ZFTA: variants seen among roughly 807,000 people sequenced by gnomAD.
ZFTA encodes the protein zinc finger translocation-associated protein.
A neutral mutation model predicts 41.8 loss-of-function variants in ZFTA; 35 were observed. That is an observed-to-expected ratio of 0.84 (90% CI 0.64 to 1.11). ZFTA has a LOEUF of 1.11. Among genes scored for constraint, ZFTA ranks in the 50% most tolerant of loss-of-function variants. The pLI is 0.00. For missense variants in ZFTA, 964 were observed against 989.8 expected, an observed-to-expected ratio of 0.97 and a Z score of 0.35; for synonymous variants, 514 against 436.4, an observed-to-expected ratio of 1.18 and a Z score of -2.22.
chr11:63,765,372 T>A lies in ZFTA; in HGVS notation c.638-118A>T. On this transcript the variant is annotated intron_variant, in intron 2 of 4. Coordinates refer to ENST00000433688, the MANE Select transcript of ZFTA (RefSeq NM_001144936.2). This position sits in a 1 kb window ranked among gnomAD's most constrained non-coding sequence, Gnocchi z 4.0. ...GCCCCAGGCCTAACCTTTGCCCTTC[T>A]CTTCCTCTCTCCTGAAATCCTAACT... 1 of 1,153,480 alleles carries A rather than the reference T, an allele frequency of 8.7e-7. No individual in the cohort carries two copies. The highest frequency in any genetic ancestry group is 1.2e-6 in the Non-Finnish European group (1 of 863,856). 71.5% of individuals were successfully genotyped at this position (1,153,480 alleles called of 1,614,324 possible).
chr11:63,764,730 A>AG, intron 3 of ZFTA, 132 bp from the exon 4 acceptor site: 2 of 1,346,554 alleles, frequency 1.5e-6, no homozygotes, highest in East Asian at 2.9e-5. Context: ...GTCTGGGGGC[A>AG]GGGGGAAAGT....
In ZFTA at chr11:63,765,616, A is replaced by T. The variant is rs899470103; in HGVS notation, c.637+191T>A. ...AAAACCACAGAATGTACAAGCTGTC[A>T]TGGACATCGGAGACCCTCTCACCCC... On this transcript the variant is annotated intron_variant, in intron 2 of 4. Transcript: ENST00000433688. This position sits in a 1 kb window ranked among gnomAD's most constrained non-coding sequence, Gnocchi z 4.0. Among the ~76,000 whole-genome samples, 1 of 152,122 alleles carries T rather than the reference A, an allele frequency of 6.6e-6. No individual in the cohort carries two copies. The highest frequency in any genetic ancestry group is 2.4e-5 in the African/African-American group (1 of 41,422).
chr11:63,763,375 C>T lies in ZFTA; in HGVS notation c.*43G>A. The T allele has an allele frequency of 8.3e-7, 1 of 1,204,632 alleles. No homozygotes were observed. Among genetic ancestry groups the T allele is most frequent in the South Asian group, 2.6e-5 (1 of 38,116 alleles). 74.6% of individuals were successfully genotyped at this position (1,204,632 alleles called of 1,614,324 possible). A position where few individuals can be genotyped will look rare whatever the true frequency, so the allele number is the denominator to read the frequency against. On this transcript the variant is annotated 3_prime_UTR_variant, in exon 5 of 5. Transcript: ENST00000433688. ...GGGCGAGCACAGGGCGGGGCGGGGCCGATCCGACCCGACCCGACCTGACCC... is the reference window on the plus strand; with the variant it reads ...GGGCGAGCACAGGGCGGGGCGGGGCTGATCCGACCCGACCCGACCTGACCC...
chr11:63,764,001 G>A, intron 4 of ZFTA, 37 bp downstream of exon 4: 1 of 1,299,026 alleles, frequency 7.7e-7, no homozygotes, highest in Non-Finnish European at 1.0e-6. Flanking sequence ...CAACTGCCCG[G>A]CTCTCCCTCT....
rs1271717344 is a variant in ZFTA at position 63,764,110 on chromosome 11, C to T, written c.1513G>A (p.Gly505Ser). The T allele has an allele frequency of 7.6e-7, 1 of 1,312,636 alleles. No homozygotes were observed. Among genetic ancestry groups the T allele is most frequent in the East Asian group, 3.3e-5 (1 of 29,984 alleles). The allele number at this position is 1,312,636 out of a possible 1,614,324, so 81.3% of individuals were successfully genotyped here. A position where few individuals can be genotyped will look rare whatever the true frequency, so the allele number is the denominator to read the frequency against. Residue 505 changes from glycine to serine, a missense_variant, in exon 4 of 5, where the codon GGC becomes AGC. Gly to Ser is a moderately conservative substitution (Grantham distance 56). Transcript: ENST00000433688. Reference protein sequence around the residue: ...PESPQGPIPPGTAAASDEGGG... With the variant: ...PESPQGPIPPSTAAASDEGGG... ...CCCTCGTCGGAGGCTGCGGCAGTGC[C>T]GGGGGGGATGGGGCCCTGGGGGGAC...
In ZFTA at chr11:63,763,745, G is replaced by GGGCGGAGGCGGGGGAGGA. The variant is rs1554965286; in HGVS notation, c.1692_1709dup (p.Pro567_Pro572dup). Reference sequence around the variant, plus strand: ...GCCGCTGCTCCCGGCTGCGGGGCGGGGGCGGAGGCGGGGGAGGAGGCGGCG... The same window carrying GGGCGGAGGCGGGGGAGGA: ...GCCGCTGCTCCCGGCTGCGGGGCGGGGGCGGAGGCGGGGGAGGAGGCGGAGGCGGGGGAGGAGGCGGCG... On this transcript the variant is annotated inframe_insertion, in exon 5 of 5. Coordinates refer to ENST00000433688, the MANE Select transcript of ZFTA (RefSeq NM_001144936.2). 6.1e-5 allele frequency: 90 copies of GGGCGGAGGCGGGGGAGGA among 1,487,234 alleles called. No individual in the cohort carries two copies. The highest frequency in any genetic ancestry group is 3.2e-4 in the Admixed American group (14 of 43,312). The allele number at this position is 1,487,234 out of a possible 1,614,324, so 92.1% of individuals were successfully genotyped here.
rs1018275784 is a variant in ZFTA, at chr11:63,763,814, C to G, written c.1641G>C (p.Glu547Asp). The change falls in exon 5 of 5, where the codon GAG (glutamate) becomes GAC (aspartate). Residue 547 changes from glutamate to aspartate, a missense_variant. Coordinates refer to ENST00000433688, the MANE Select transcript of ZFTA (RefSeq NM_001144936.2). ...APLERPAEEEEDEEDGQEPGG... is the reference protein window; with the variant it reads ...APLERPAEEEDDEEDGQEPGG... ...CAGGCTCCTGGCCGTCCTCTTCGTC[C>G]TCCTCTTCTTCGGCGGGCCGCTCCA... The G allele has an allele frequency of 1.3e-5, 19 of 1,446,414 alleles. No individual in the cohort carries two copies. The highest frequency in any genetic ancestry group is 8.9e-5 in the African/African-American group (6 of 67,482). The allele number at this position is 1,446,414 out of a possible 1,614,324, so 89.6% of individuals were successfully genotyped here. A position where few individuals can be genotyped will look rare whatever the true frequency, so the allele number is the denominator to read the frequency against.
rs1021212037 is a variant in ZFTA, at chr11:63,763,947, C to T, written c.1586-78G>A. The T allele has an allele frequency of 5.2e-6, 7 of 1,357,202 alleles. No homozygotes were observed. In the African/African-American group the frequency reaches 7.7e-5, roughly 15 times the overall value. The allele number at this position is 1,357,202 out of a possible 1,614,324, so 84.1% of individuals were successfully genotyped here. On this transcript the variant is annotated intron_variant, in intron 4 of 4. Coordinates refer to ENST00000433688, the MANE Select transcript of ZFTA (RefSeq NM_001144936.2). ...CCCCGCGTCTCATCTCCAGTCACCC[C>T]ATCTTTGCCCTTCTATCCCATCCTC... is the stretch of plus-strand genomic sequence containing the variant.
At chr11:63,766,536 T>A (rs2014749371) in intron 1 of ZFTA, among the ~76,000 whole-genome samples, 3 of 152,246 alleles carry the variant, frequency 2.0e-5, no homozygotes, top group South Asian at 4.1e-4. Context: ...CGCAGGGCAC[T>A]GTGGAAATAG....
At chr11:63,767,617 A>G (rs2014766229) in intron 1 of ZFTA, 1 of 152,288 alleles carries the variant, frequency 6.6e-6, no homozygotes. Context: ...TTTAAAAACA[A>G]AAGGGGATGG....
chr11:63,765,823 G>A lies in ZFTA; in HGVS notation c.621C>T (p.Cys207=), dbSNP rs2014734751. ...TTGCATTACCTGGGCCCTTGGGCGG[G>A]CAAGCTGGGACACCGGCCCCCTCCT... ...EEEEGAGVPA[C]PPKGPGKAPA... is the part of the protein sequence containing the mutation. The change falls in exon 2 of 5, where the codon TGC becomes TGT. Residue 207 remains cysteine, a synonymous_variant. Coordinates refer to ENST00000433688, the MANE Select transcript of ZFTA (RefSeq NM_001144936.2). This position sits in a 1 kb window ranked among gnomAD's most constrained non-coding sequence, Gnocchi z 4.0. 4.0e-6 allele frequency: 6 copies of A among 1,484,514 alleles called. No homozygotes were observed. The South Asian group carries it at 5.5e-5, about 14-fold the overall frequency. 92.0% of individuals were successfully genotyped at this position (1,484,514 alleles called of 1,614,324 possible). A position where few individuals can be genotyped will look rare whatever the true frequency, so the allele number is the denominator to read the frequency against.
Position 63,761,403 on chromosome 11 carries a change from C to G in ZFTA, c.*2015G>C, listed in dbSNP as rs1233090946. On this transcript the variant is annotated 3_prime_UTR_variant, in exon 5 of 5. Transcript: ENST00000433688. ...ATGGCGCCTTCCAGCTGAGGCCCTG[C>G]AGAGCTCAGTGTGCTCATCCCAAGG... 1 of 152,308 alleles carries G rather than the reference C, an allele frequency of 6.6e-6. No individual in the cohort carries two copies. Among genetic ancestry groups the G allele is most frequent in the Non-Finnish European group, 1.5e-5 (1 of 68,100 alleles). 9.4% of individuals were successfully genotyped at this position (152,308 alleles called of 1,614,324 possible). A position where few individuals can be genotyped will look rare whatever the true frequency, so the allele number is the denominator to read the frequency against.
In ZFTA at chr11:63,765,847, C is replaced by A; in HGVS notation, c.597G>T (p.Glu199Asp). Residue 199 changes from glutamate to aspartate, a missense_variant, in exon 2 of 5, where the codon GAG becomes GAT. Physicochemically the swap from Glu to Asp is conservative, Grantham distance 45. This residue lies in a region of ZFTA where 141 missense variants were observed against 216.7 expected (regional missense o/e 0.65). Transcript: ENST00000433688. This position sits in a 1 kb window ranked among gnomAD's most constrained non-coding sequence, Gnocchi z 4.0. ...EEEEEEEEEE[E>D]EGAGVPACPP... ...GGCAAGCTGGGACACCGGCCCCCTC[C>A]TCCTCCTCCTCTTCTTCCTCCTCCT... The A allele has an allele frequency of 6.7e-7, 1 of 1,503,408 alleles. No individual in the cohort carries two copies. The allele number at this position is 1,503,408 out of a possible 1,614,324, so 93.1% of individuals were successfully genotyped here.
chr11:63,766,757 C>T (rs753138576), intron 1 of ZFTA, among the ~76,000 whole-genome samples: 1 of 152,096 alleles, frequency 6.6e-6, no homozygotes, highest in Non-Finnish European at 1.5e-5. Flanking sequence ...CTGGGGCCCC[C>T]GCCAGGAGGG....
intron 1 of ZFTA, among the ~76,000 whole-genome samples, 174 bp downstream of exon 1, chr11:63,768,310 G>C (rs1204380036): frequency 6.7e-6 from 1 of 149,694 alleles, no homozygotes; most frequent in African/African-American, 2.4e-5. Flanking sequence ...CCGGGAGCTG[G>C]GCGGGGGGCT....
Position 63,764,896 on chromosome 11 carries a change from C to A in ZFTA, c.996G>T (p.Ala332=). The A allele has an allele frequency of 2.0e-6, 3 of 1,521,294 alleles. No individual in the cohort carries two copies. Among genetic ancestry groups the A allele is most frequent in the Non-Finnish European group, 2.6e-6 (3 of 1,136,152 alleles). The allele number at this position is 1,521,294 out of a possible 1,614,324, so 94.2% of individuals were successfully genotyped here. ...LLQAWGGQPE[A]LSELTQSPPG... ...GTGGGGACTGGGTGAGCTCAGACAGCGCCTCGGGCTGGCCCCCCCAGGCCT... is the reference window on the plus strand; with the variant it reads ...GTGGGGACTGGGTGAGCTCAGACAGAGCCTCGGGCTGGCCCCCCCAGGCCT... Residue 332 remains alanine (A), a synonymous_variant, in exon 3 of 5, where the codon GCG becomes GCT. Coordinates refer to ENST00000433688, the MANE Select transcript of ZFTA (RefSeq NM_001144936.2).
intron 1 of ZFTA, 53 bp downstream of exon 1, chr11:63,768,431 C>T: frequency 4.7e-6 from 5 of 1,053,460 alleles, no homozygotes; most frequent in Non-Finnish European, 5.8e-6. Flanking sequence ...AGCCGCAGCC[C>T]TCCCTTCCCC....
In ZFTA at chr11:63,759,998, T is replaced by G. The variant is rs1386493287; in HGVS notation, c.*3420A>C. 1.3e-5 allele frequency: 2 copies of G among 152,206 alleles called. No individual in the cohort carries two copies. Among genetic ancestry groups the G allele is most frequent in the Non-Finnish European group, 2.9e-5 (2 of 68,034 alleles). The allele number at this position is 152,206 out of a possible 1,614,324, so 9.4% of individuals were successfully genotyped here. On this transcript the variant is annotated 3_prime_UTR_variant, in exon 5 of 5. Coordinates refer to ENST00000433688, the MANE Select transcript of ZFTA (RefSeq NM_001144936.2). ...CTATCCTCACTCCACTTTGGGGACT[T>G]TAAAAAGTGACTAATAGTTGGTACT...
chr11:63,765,779 G>A lies in ZFTA; in HGVS notation c.637+28C>T. ...TGCCCCACTGGCCACCCAGGCCCCT[G>A]CCTGTACAGAATCTGCATTTGCATT... On this transcript the variant is annotated intron_variant, in intron 2 of 4. Transcript: ENST00000433688. The surrounding 1 kb of genome is among the most constrained non-coding windows in gnomAD (Gnocchi z 4.0). 1 of 1,448,058 alleles carries A rather than the reference G, an allele frequency of 6.9e-7. No individual in the cohort carries two copies. The highest frequency in any genetic ancestry group is 9.1e-7 in the Non-Finnish European group (1 of 1,102,148). The allele number at this position is 1,448,058 out of a possible 1,614,324, so 89.7% of individuals were successfully genotyped here.
Sources: gnomAD v4.1 joint callset for allele counts (sites outside exome capture counted in the v4.1 genomes callset) on GRCh38, gnomAD v4.1.1 for gene constraint, gnomAD v4.1.1 regional missense constraint, Gnocchi (gnomAD v3.1) non-coding constraint, MANE v1.5 for transcripts, NCBI Gene and HGNC (gene_info 2026-07-23, HGNC 2026-07-21) for gene names.